MLF1: variants seen among roughly 807,000 people sequenced by gnomAD.
MLF1 encodes the protein myelodysplasia-myeloid leukemia factor 1.
Under a neutral mutation model 38.3 loss-of-function variants are expected in MLF1, and 37 were observed. That is an observed-to-expected ratio of 0.96 (90% CI 0.74 to 1.27). MLF1 has a LOEUF of 1.27. MLF1 is among the 50% of genes most tolerant of loss of function. The pLI, the probability that MLF1 is intolerant of heterozygous loss-of-function variation, is 0.00. For missense variants in MLF1, 331 were observed against 349.2 expected (o/e 0.95, Z 0.42); for synonymous variants, 95 against 106.5 (o/e 0.89, Z 0.66).
chr3:158,582,404 C>G (rs1716537437), intron 1 of MLF1, among the ~76,000 whole-genome samples: 1 of 151,332 alleles, frequency 6.6e-6, no homozygotes, highest in Admixed American at 6.6e-5. Flanking sequence ...TACCATAGTA[C>G]AAAGGAACAG....
At chr3:158,594,385 T>C (rs1718599672) in intron 3 of MLF1, among the ~76,000 whole-genome samples, 1 of 152,160 alleles carries the variant, frequency 6.6e-6, no homozygotes, top group Admixed American at 6.6e-5. Flanking sequence ...AGCTAAAACA[T>C]GTTTAGTATC....
rs1172740866 is a variant in MLF1, at chr3:158,605,993, T to C, written c.*791T>C. ...TAACATTCTGAAGCTGGAGAGTCCT[T>C]GGAGAAACTCTGCTCAGCTTTTTTG... On this transcript the variant is annotated 3_prime_UTR_variant, in exon 8 of 8. Coordinates refer to ENST00000466246, the MANE Select transcript of MLF1 (RefSeq NM_001369783.1). The C allele has an allele frequency of 1.1e-5, 2 of 183,756 alleles. No individual in the cohort carries two copies. The highest frequency in any genetic ancestry group is 4.7e-5 in the African/African-American group (2 of 42,648). 11.4% of individuals were successfully genotyped at this position (183,756 alleles called of 1,614,324 possible).
chr3:158,573,642 CTAAG>C (rs1312950940), intron 1 of MLF1, among the ~76,000 whole-genome samples: 2 of 152,038 alleles, frequency 1.3e-5, no homozygotes, highest in Non-Finnish European at 2.9e-5. Flanking sequence ...ACTTTTTAGC[CTAAG>C]TGTTTTTTGC....
chr3:158,597,032 A>AC, intron 4 of MLF1, 87 bp downstream of exon 4: 6 of 759,852 alleles, frequency 7.9e-6, no homozygotes, highest in Middle Eastern at 3.4e-4. Flanking sequence ...TTTTTTAACC[A>AC]TAGTGGTTAA....
At chr3:158,578,735 G>A (rs2108563334) in intron 1 of MLF1, among the ~76,000 whole-genome samples, 1 of 152,250 alleles carries the variant, frequency 6.6e-6, no homozygotes, top group East Asian at 1.9e-4. Flanking sequence ...AATTCTAAGA[G>A]AGGAGGTATA....
At chr3:158,604,640 G>GT (rs1187230824) in intron 7 of MLF1, among the ~76,000 whole-genome samples, 29 of 151,788 alleles carry the variant, frequency 1.9e-4, no homozygotes, top group African/African-American at 6.5e-4. Flanking sequence ...CTTATTTTCT[G>GT]GTTTTTTTTG....
At chr3:158,574,523 A>AAAAAAAAACAAAAAAC (rs1553830589) in intron 1 of MLF1, among the ~76,000 whole-genome samples, 1 of 115,696 alleles carries the variant, frequency 8.6e-6, no homozygotes, top group Non-Finnish European at 2.0e-5. Context: ...AAAAAAAAAA[A>AAAAAAAAACAAAAAAC]AAAATACAAA....
rs959297904 is a variant in MLF1, at chr3:158,576,505, C to T, written c.47+5158C>T. On this transcript the variant is annotated intron_variant, in intron 1 of 7. Transcript: ENST00000466246. Reference sequence around the variant, plus strand: ...TATGAAAGTTTATAAATATTTAGTACGACCCAGAATTTTCTATTTGATACG... The same window carrying T: ...TATGAAAGTTTATAAATATTTAGTATGACCCAGAATTTTCTATTTGATACG... Among the ~76,000 whole-genome samples the T allele has an allele frequency of 3.9e-5, 6 of 152,166 alleles. No individual in the cohort carries two copies. The South Asian group carries it at 6.2e-4, about 16-fold the overall frequency.
At chr3:158,574,647 G>C (rs1267926136) in intron 1 of MLF1, among the ~76,000 whole-genome samples, 2 of 146,358 alleles carry the variant, frequency 1.4e-5, no homozygotes, top group African/African-American at 5.1e-5. Context: ...TTGCGCCATT[G>C]CACTCCAACC....
intron 1 of MLF1, among the ~76,000 whole-genome samples, chr3:158,576,098 TA>T (rs1441100159): frequency 6.6e-6 from 1 of 152,230 alleles, no homozygotes; most frequent in African/African-American, 2.4e-5. Flanking sequence ...TACCTTATTA[TA>T]ACAGTGCATC....
intron 1 of MLF1, among the ~76,000 whole-genome samples, chr3:158,589,219 T>A (rs540910981): frequency 1.1e-4 from 16 of 152,254 alleles, no homozygotes; most frequent in South Asian, 8.3e-4. Flanking sequence ...TATTTTTTTT[T>A]ATTTTATTTT....
chr3:158,589,134 G>A (rs537451198), intron 1 of MLF1, among the ~76,000 whole-genome samples: 1 of 152,236 alleles, frequency 6.6e-6, no homozygotes, highest in Admixed American at 6.5e-5. Context: ...AGAAATGGTA[G>A]GGGGACCATC....
At chr3:158,593,224 A>G (rs1718416726) in intron 2 of MLF1, among the ~76,000 whole-genome samples, 158 bp from the exon 3 acceptor site, 2 of 152,086 alleles carry the variant, frequency 1.3e-5, no homozygotes, top group African/African-American at 4.8e-5. Context: ...CTCATGAATG[A>G]TAGTTCTAAG....
At chr3:158,588,624 AG>A (rs371282470) in intron 1 of MLF1, among the ~76,000 whole-genome samples, 16,861 of 119,816 alleles carry the variant, frequency 0.14, 1,246 homozygotes, top group Non-Finnish European at 0.19. Context: ...AAAAAAAAAA[AG>A]CAGAAAAAAA....
chr3:158,598,056 A>G (rs1168560222), intron 4 of MLF1, 24 bp from the exon 5 acceptor site: 1 of 1,608,586 alleles, frequency 6.2e-7, no homozygotes, highest in African/African-American at 1.3e-5. Context: ...GACTCGACTG[A>G]ATTTACAATT....
chr3:158,597,293 T>C (rs1719030908), intron 4 of MLF1, among the ~76,000 whole-genome samples: 1 of 152,104 alleles, frequency 6.6e-6, no homozygotes, highest in African/African-American at 2.4e-5. Context: ...AAAACATTGA[T>C]TCTATTGAAA....
chr3:158,606,011 C>G lies in MLF1; in HGVS notation c.*809C>G, dbSNP rs1276597580. On this transcript the variant is annotated 3_prime_UTR_variant, in exon 8 of 8. Coordinates refer to ENST00000466246, the MANE Select transcript of MLF1 (RefSeq NM_001369783.1). ...GAGTCCTTGGAGAAACTCTGCTCAG[C>G]TTTTTTGTGACATTTAGAAAAATGC... 9 of 183,316 alleles carry G rather than the reference C, an allele frequency of 4.9e-5. No individual in the cohort carries two copies. Among genetic ancestry groups the G allele is most frequent in the Non-Finnish European group, 9.3e-5 (8 of 86,286 alleles). The allele number at this position is 183,316 out of a possible 1,614,324, so 11.4% of individuals were successfully genotyped here.
At chr3:158,602,433 A>G (rs1435127209) in intron 6 of MLF1, among the ~76,000 whole-genome samples, 1 of 152,218 alleles carries the variant, frequency 6.6e-6, no homozygotes, top group East Asian at 1.9e-4. Context: ...AAAGATGGTT[A>G]GGTGAATAGA....
chr3:158,587,738 C>G (rs1170987866), intron 1 of MLF1, among the ~76,000 whole-genome samples: 1 of 152,154 alleles, frequency 6.6e-6, no homozygotes, highest in East Asian at 1.9e-4. Context: ...CGGTGGCCCA[C>G]GCCCGTAATC....
Sources: allele counts gnomAD v4.1 joint callset (sites outside exome capture counted in the v4.1 genomes callset), GRCh38; gene constraint gnomAD v4.1.1; transcripts MANE v1.5; gene names NCBI Gene and HGNC (gene_info 2026-07-23, HGNC 2026-07-21).